Variants in SMARCAL1 observed in about 807,000 individuals in gnomAD.
The protein encoded by SMARCAL1 is ATP-driven annealing helicase.
SMARCAL1 carries 58 observed loss-of-function variants against 94.5 expected under a neutral mutation model. The observed-to-expected ratio is 0.61, with a 90% confidence interval of 0.50 to 0.76. SMARCAL1 has a LOEUF of 0.76. Among genes scored for constraint, SMARCAL1 ranks in the 30% least tolerant of loss-of-function variants. SMARCAL1 has a pLI of 0.00. For synonymous variants in SMARCAL1, 422 were observed against 455.1 expected, an observed-to-expected ratio of 0.93 and a Z score of 0.93; for missense variants, 1,051 against 1,177.9, an observed-to-expected ratio of 0.89 and a Z score of 1.58.
intron 9 of SMARCAL1, among the ~76,000 whole-genome samples, chr2:216,437,199 C>T (rs1480296399): frequency 6.6e-6 from 1 of 152,210 alleles, no homozygotes; most frequent in African/African-American, 2.4e-5. Context: ...GTTGAAAGGG[C>T]CCATTCTCTT....
chr2:216,447,166 T>A lies in SMARCAL1; in HGVS notation c.1851+8T>A. The A allele has an allele frequency of 6.2e-7, 1 of 1,613,916 alleles. No individual in the cohort carries two copies. The highest frequency in any genetic ancestry group is 8.5e-7 in the Non-Finnish European group (1 of 1,179,976). On this transcript the variant is annotated splice_region_variant and intron_variant, in intron 11 of 17. Coordinates refer to ENST00000357276, the MANE Select transcript of SMARCAL1 (RefSeq NM_014140.4). ...TACTGTGATGCCAAACGGGTATGTA[T>A]TATCTCTTCCCTCCCAGCCCACCCA...
chr2:216,461,624 T>C (rs575821570), intron 12 of SMARCAL1, among the ~76,000 whole-genome samples: 17 of 152,214 alleles, frequency 1.1e-4, no homozygotes, highest in African/African-American at 3.1e-4. Flanking sequence ...GCCCAGGAGA[T>C]TGATACCAGC....
chr2:216,477,259 A>T, intron 16 of SMARCAL1, 50 bp downstream of exon 16: 1 of 1,283,942 alleles, frequency 7.8e-7, no homozygotes, highest in Non-Finnish European at 1.1e-6. Flanking sequence ...AAGGGTGGAA[A>T]CTGATGATAT....
chr2:216,444,939 C>T (rs561533061), intron 10 of SMARCAL1, among the ~76,000 whole-genome samples: 3 of 152,336 alleles, frequency 2.0e-5, no homozygotes, highest in South Asian at 2.1e-4. Context: ...CCCCAACCCA[C>T]GAAGAAACTA....
chr2:216,452,450 TA>T (rs1156548629), intron 12 of SMARCAL1, among the ~76,000 whole-genome samples: 1 of 152,110 alleles, frequency 6.6e-6, no homozygotes, highest in Non-Finnish European at 1.5e-5. Context: ...AGACATGCAA[TA>T]TTTTTAGATG....
intron 6 of SMARCAL1, among the ~76,000 whole-genome samples, chr2:216,424,467 C>G: frequency 6.6e-6 from 1 of 152,156 alleles, no homozygotes. Context: ...TTGGGCCTCC[C>G]AAACCAAGGA....
intron 14 of SMARCAL1, 46 bp downstream of exon 14, chr2:216,468,092 C>T: frequency 7.3e-7 from 1 of 1,367,610 alleles, no homozygotes; most frequent in Non-Finnish European, 1.0e-6. Context: ...TGCCATGTCC[C>T]AAGTTGTTCT....
At chr2:216,416,009 C>T in intron 3 of SMARCAL1, 1 of 470,254 alleles carries the variant, frequency 2.1e-6, no homozygotes, top group South Asian at 2.0e-5. Context: ...CTAGTCCTAA[C>T]TCTGCCCTCA....
chr2:216,424,956 TCAC>T (rs1259903539), intron 6 of SMARCAL1, among the ~76,000 whole-genome samples: 2 of 152,202 alleles, frequency 1.3e-5, no homozygotes, highest in Non-Finnish European at 1.5e-5. Context: ...GGTCTCGCTG[TCAC>T]CCAGGCTGGA....
At chr2:216,466,672 A>G (rs2106075501) in intron 13 of SMARCAL1, among the ~76,000 whole-genome samples, 1 of 152,358 alleles carries the variant, frequency 6.6e-6, no homozygotes, top group Non-Finnish European at 1.5e-5. Context: ...TAGAGGGGAA[A>G]GACGCATTAG....
rs1257818502 is a variant in SMARCAL1 at position 216,450,875 on chromosome 2, C to T, written c.1881C>T (p.Ser627=). The T allele has an allele frequency of 1.9e-6, 3 of 1,614,154 alleles. No homozygotes were observed. Among genetic ancestry groups the T allele is most frequent in the East Asian group, 4.5e-5 (2 of 44,884 alleles). ...RMPWGWDYSG[S]SNLGELKLLL... ...CTTGGGGGTGGGACTACTCAGGTTC[C>T]TCCAACCTGGGAGAGCTGAAGCTCC... The change falls in exon 12 of 18, where the codon TCC becomes TCT. Residue 627 remains serine (S), a synonymous_variant. Coordinates refer to ENST00000357276, the MANE Select transcript of SMARCAL1 (RefSeq NM_014140.4).
intron 12 of SMARCAL1, among the ~76,000 whole-genome samples, chr2:216,461,078 GTGTGTGTGTGTGTA>G (rs1227970072): frequency 1.3e-5 from 2 of 151,652 alleles, no homozygotes; most frequent in Non-Finnish European, 2.9e-5. Context: ...GTGTGTGTGT[GTGTGTGTGTGTGTA>G]TGTGTGTGTG....
At chr2:216,422,465 G>A (rs1355917677) in intron 5 of SMARCAL1, among the ~76,000 whole-genome samples, 3 of 152,210 alleles carry the variant, frequency 2.0e-5, no homozygotes, top group African/African-American at 7.2e-5. Context: ...GTACCATGAA[G>A]GTATGGATAC....
In SMARCAL1 at chr2:216,435,332, C is replaced by T. The variant is rs1390292771; in HGVS notation, c.1486-6C>T. On this transcript the variant is annotated splice_polypyrimidine_tract_variant and splice_region_variant and intron_variant, in intron 8 of 17. Coordinates refer to ENST00000357276, the MANE Select transcript of SMARCAL1 (RefSeq NM_014140.4). ...TTGTAGCTTTGTTCCCTCCTGTCAT[C>T]CACAGGCCTTCCTTCGGTGGCTGCC... is the stretch of plus-strand genomic sequence containing the variant. The T allele has an allele frequency of 1.2e-6, 2 of 1,614,038 alleles. No individual in the cohort carries two copies. The highest frequency in any genetic ancestry group is 4.5e-5 in the East Asian group (2 of 44,878).
At chr2:216,458,576 A>G (rs1694624726) in intron 12 of SMARCAL1, among the ~76,000 whole-genome samples, 1 of 152,236 alleles carries the variant, frequency 6.6e-6, no homozygotes, top group Non-Finnish European at 1.5e-5. Context: ...AACCAAAGAC[A>G]AAAACCACAT....
chr2:216,481,599 G>A (rs1695202342), intron 17 of SMARCAL1, among the ~76,000 whole-genome samples: 1 of 152,106 alleles, frequency 6.6e-6, no homozygotes, highest in African/African-American at 2.4e-5. Flanking sequence ...TGCCTTGTGG[G>A]TTCAAGCGAT....
intron 12 of SMARCAL1, among the ~76,000 whole-genome samples, chr2:216,461,275 A>T (rs1036364300): frequency 1.3e-5 from 2 of 151,176 alleles, no homozygotes; most frequent in East Asian, 2.0e-4. Flanking sequence ...TAACCAATTT[A>T]AAAAAAAAGA....
chr2:216,424,529 G>C (rs544501249), intron 6 of SMARCAL1, among the ~76,000 whole-genome samples: 1 of 152,296 alleles, frequency 6.6e-6, no homozygotes, highest in East Asian at 1.9e-4. Flanking sequence ...AGCCAACCCT[G>C]GGAGCTCTGA....
intron 17 of SMARCAL1, among the ~76,000 whole-genome samples, 169 bp downstream of exon 17, chr2:216,478,468 C>G (rs761293636): frequency 2.6e-5 from 4 of 152,178 alleles, no homozygotes; most frequent in Non-Finnish European, 5.9e-5. Flanking sequence ...ATGCATGCAT[C>G]GCTTTATGGG....
Sources: gnomAD v4.1 joint callset for allele counts (sites outside exome capture counted in the v4.1 genomes callset) on GRCh38, gnomAD v4.1.1 for gene constraint, MANE v1.5 for transcripts, NCBI Gene and HGNC (gene_info 2026-07-23, HGNC 2026-07-21) for gene names.